Variants in GDPD4 observed in about 807,000 individuals in gnomAD.
GDPD4 encodes glycerophosphodiester phosphodiesterase 6.
In GDPD4, 60 loss-of-function variants were observed where a neutral mutation model predicts 67.8. That is an observed-to-expected ratio of 0.88 (90% CI 0.72 to 1.10). The LOEUF (loss-of-function observed/expected upper bound fraction) is 1.10. GDPD4 is among the 50% of genes least tolerant of loss of function. GDPD4 has a pLI of 0.00. For missense variants in GDPD4, 623 were observed against 613.9 expected (o/e 1.01, Z -0.16); for synonymous variants, 212 against 210.9 (o/e 1.00, Z -0.04).
intron 11 of GDPD4, among the ~76,000 whole-genome samples, chr11:77,251,706 C>A (rs769554042): frequency 9.9e-5 from 15 of 152,222 alleles, no homozygotes; most frequent in African/African-American, 2.6e-4. Context: ...TATTTGGGAA[C>A]CTTTGAGCTT....
At chr11:77,260,403 C>T (rs887647377) in intron 10 of GDPD4, among the ~76,000 whole-genome samples, 6 of 152,088 alleles carry the variant, frequency 3.9e-5, no homozygotes, top group African/African-American at 1.4e-4. Context: ...TAAAAACAAG[C>T]TTCAAAAGAA....
chr11:77,259,748 C>T (rs1042064478), intron 10 of GDPD4, among the ~76,000 whole-genome samples: 1 of 151,820 alleles, frequency 6.6e-6, no homozygotes, highest in African/African-American at 2.4e-5. Context: ...GCTAGAGTCC[C>T]ATAAAGGATA....
intron 15 of GDPD4, among the ~76,000 whole-genome samples, chr11:77,228,530 T>TAAAAAAAAA (rs1958390375): frequency 1.6e-5 from 1 of 64,368 alleles, no homozygotes; most frequent in Non-Finnish European, 3.2e-5. Context: ...AAAAAAAAAT[T>TAAAAAAAAA]AGCCAGGCAC....
chr11:77,268,483 A>C lies in GDPD4; in HGVS notation c.681T>G (p.His227Gln), dbSNP rs779019107. The C allele has an allele frequency of 6.2e-7, 1 of 1,612,926 alleles. No homozygotes were observed. The highest frequency in any genetic ancestry group is 1.1e-5 in the South Asian group (1 of 91,052). The change falls in exon 10 of 17, where the codon CAT (histidine) becomes CAG (glutamine). Residue 227 changes from histidine (H) to glutamine (Q), a missense_variant. His to Gln is a conservative substitution (Grantham distance 24). Coordinates refer to ENST00000315938, the MANE Select transcript of GDPD4 (RefSeq NM_182833.3). ...TTAAGTGTATATCAGTCTCCAATCCATGGGCTCCATGTTCAACAGCTTTCT... is the reference window on the plus strand; with the variant it reads ...TTAAGTGTATATCAGTCTCCAATCCCTGGGCTCCATGTTCAACAGCTTTCT... ...SFEKAVEHGA[H>Q]GLETDIHLSY...
At chr11:77,219,011 T>G (rs144944551) in intron 16 of GDPD4, among the ~76,000 whole-genome samples, 8,947 of 152,264 alleles carry the variant, frequency 0.059, 909 homozygotes, top group African/African-American at 0.2. Flanking sequence ...CTACCAACAG[T>G]GTAAAAGTGT....
At chr11:77,290,049 G>A (rs756275165) in intron 1 of GDPD4, among the ~76,000 whole-genome samples, 13 of 152,150 alleles carry the variant, frequency 8.5e-5, no homozygotes, top group African/African-American at 1.2e-4. Context: ...GATAGTGGAA[G>A]CTCAAAGATC....
intron 11 of GDPD4, among the ~76,000 whole-genome samples, chr11:77,256,099 T>C (rs1331678843): frequency 6.6e-6 from 1 of 152,178 alleles, no homozygotes; most frequent in Non-Finnish European, 1.5e-5. Flanking sequence ...TTAATTAAAA[T>C]TCATCAACTC....
chr11:77,297,234 A>G (rs777873438), intron 1 of GDPD4, among the ~76,000 whole-genome samples: 3 of 151,900 alleles, frequency 2.0e-5, no homozygotes, highest in Admixed American at 6.6e-5. Context: ...TATATTTTAA[A>G]TAGTTCATAA....
intron 14 of GDPD4, among the ~76,000 whole-genome samples, chr11:77,229,553 C>T (rs1397322724): frequency 6.6e-6 from 1 of 152,250 alleles, no homozygotes; most frequent in Non-Finnish European, 1.5e-5. Context: ...CCCAAGACCA[C>T]AGTCCAGGTT....
At chr11:77,241,278 A>G (rs1423188210) in intron 13 of GDPD4, among the ~76,000 whole-genome samples, 3 of 152,194 alleles carry the variant, frequency 2.0e-5, no homozygotes, top group African/African-American at 7.2e-5. Context: ...GTCACTTGTG[A>G]AAACATGGTT....
In GDPD4 at chr11:77,270,092, T is replaced by C. The variant is rs1959201390; in HGVS notation, c.401-132A>G. ...ATAAACACACAATGGCAGCACTATC[T>C]ATGCAGTCTTTCTCTTGCCTGCATA... is the stretch of plus-strand genomic sequence containing the variant. On this transcript the variant is annotated intron_variant, in intron 7 of 16. Transcript: ENST00000315938. 3 of 540,474 alleles carry C rather than the reference T, an allele frequency of 5.6e-6. No homozygotes were observed. The African/African-American group carries it at 5.8e-5, about 10-fold the overall frequency. The allele number at this position is 540,474 out of a possible 1,614,324, so 33.5% of individuals were successfully genotyped here. A position where few individuals can be genotyped will look rare whatever the true frequency, so the allele number is the denominator to read the frequency against.
chr11:77,248,136 T>C (rs1160668544), intron 11 of GDPD4, among the ~76,000 whole-genome samples: 1 of 151,012 alleles, frequency 6.6e-6, no homozygotes, highest in Non-Finnish European at 1.5e-5. Context: ...AAGGAAACAT[T>C]CCACTGAATA....
intron 9 of GDPD4, 89 bp from the exon 10 acceptor site, chr11:77,268,628 T>C (rs1591562172): frequency 9.4e-7 from 1 of 1,068,534 alleles, no homozygotes; most frequent in Non-Finnish European, 1.4e-6. Context: ...CAGTAGGATT[T>C]TGGGGAGCAG....
intron 16 of GDPD4, among the ~76,000 whole-genome samples, chr11:77,220,226 C>T (rs1483287256): frequency 6.6e-6 from 1 of 152,176 alleles, no homozygotes; most frequent in Non-Finnish European, 1.5e-5. Context: ...TTGCCCTGGC[C>T]AGAACTTCCA....
chr11:77,285,540 T>C (rs1440955078), intron 2 of GDPD4, among the ~76,000 whole-genome samples: 1 of 152,218 alleles, frequency 6.6e-6, no homozygotes, highest in African/African-American at 2.4e-5. Flanking sequence ...ATCAAATGTT[T>C]TGTTCAGCAA....
At chr11:77,287,734 C>T (rs12364463) in intron 1 of GDPD4, among the ~76,000 whole-genome samples, 10,155 of 152,166 alleles carry the variant, frequency 0.067, 1,162 homozygotes, top group African/African-American at 0.23. Context: ...TATATGCAAA[C>T]GTGCTTCTCA....
At chr11:77,250,028 A>G (rs550861035) in intron 11 of GDPD4, among the ~76,000 whole-genome samples, 101 of 152,274 alleles carry the variant, frequency 6.6e-4, no homozygotes, top group African/African-American at 2.3e-3. Flanking sequence ...TTTGACATAA[A>G]ATTTTATAAA....
intron 3 of GDPD4, among the ~76,000 whole-genome samples, chr11:77,280,953 T>C (rs549084364): frequency 6.6e-6 from 1 of 152,340 alleles, no homozygotes; most frequent in South Asian, 2.1e-4. Context: ...GCTGAGAATA[T>C]ACAATGCTGA....
chr11:77,220,983 C>G (rs1446410316), intron 16 of GDPD4, among the ~76,000 whole-genome samples: 6 of 152,036 alleles, frequency 3.9e-5, no homozygotes, highest in Non-Finnish European at 8.8e-5. Context: ...CTGGTTTAGT[C>G]GTGGGAGGGT....
Sources: gnomAD v4.1 joint callset for allele counts (sites outside exome capture counted in the v4.1 genomes callset) on GRCh38, gnomAD v4.1.1 for gene constraint, MANE v1.5 for transcripts, NCBI Gene and HGNC (gene_info 2026-07-23, HGNC 2026-07-21) for gene names.